The following HPSE2 variants were observed in gnomAD, a reference collection of about 807,000 sequenced individuals.
The protein encoded by HPSE2 is inactive heparanase-2.
In HPSE2, 38 loss-of-function variants were observed where a neutral mutation model predicts 60.5. The observed-to-expected ratio is 0.63, with a 90% CI of 0.48 to 0.82. HPSE2 has a LOEUF of 0.82. Ranked by LOEUF, HPSE2 falls within the 40% of genes least tolerant of loss-of-function variation. The probability of loss-of-function intolerance (pLI) is 0.00; values close to 1 mark genes in which losing one functional copy is unlikely to be tolerated. For missense variants in HPSE2, 713 were observed against 740.4 expected, an observed-to-expected ratio of 0.96 and a Z score of 0.43; for synonymous variants, 295 against 293.2, an observed-to-expected ratio of 1.01 and a Z score of -0.06.
chr10:99,002,946 T>C (rs1956809324), intron 3 of HPSE2, among the ~76,000 whole-genome samples: 1 of 152,042 alleles, frequency 6.6e-6, no homozygotes, highest in Non-Finnish European at 1.5e-5. Context: ...GTTAACCATG[T>C]TGTACAATAG....
At chr10:98,541,776 G>A (rs894240997) in intron 9 of HPSE2, among the ~76,000 whole-genome samples, 2 of 151,770 alleles carry the variant, frequency 1.3e-5, no homozygotes, top group African/African-American at 4.8e-5. Context: ...AGGGGCACCC[G>A]CCATTGCCCA....
chr10:98,956,375 G>T (rs1202333229), intron 3 of HPSE2, among the ~76,000 whole-genome samples: 1 of 152,160 alleles, frequency 6.6e-6, no homozygotes, highest in Non-Finnish European at 1.5e-5. Context: ...TGTTAAATTG[G>T]TTTGGAATAA....
intron 6 of HPSE2, among the ~76,000 whole-genome samples, chr10:98,647,692 C>T (rs547235665): frequency 6.6e-6 from 1 of 152,232 alleles, no homozygotes; most frequent in African/African-American, 2.4e-5. Context: ...TGCCCCTCCT[C>T]CAAAGGCCCT....
At chr10:98,805,285 A>T (rs1008441165) in intron 3 of HPSE2, among the ~76,000 whole-genome samples, 2 of 152,220 alleles carry the variant, frequency 1.3e-5, no homozygotes, top group South Asian at 2.1e-4. Context: ...ACAAAAAAAA[A>T]TTGTAACCTT....
At chr10:98,591,723 G>C (rs969477938) in intron 9 of HPSE2, among the ~76,000 whole-genome samples, 2 of 152,046 alleles carry the variant, frequency 1.3e-5, no homozygotes, top group African/African-American at 4.8e-5. Flanking sequence ...AAAAGAAATT[G>C]ATTATTTTCT....
chr10:99,266,042 C>T, the HPSE2 span, among the ~76,000 whole-genome samples: 1 of 152,158 alleles, frequency 6.6e-6, no homozygotes, highest in Non-Finnish European at 1.5e-5. Context: ...GGGAGGGCTA[C>T]CAGAGGAACT....
intron 3 of HPSE2, among the ~76,000 whole-genome samples, chr10:98,881,340 T>C (rs1175162753): frequency 1.3e-5 from 2 of 152,010 alleles, no homozygotes; most frequent in African/African-American, 4.8e-5. Context: ...GTCAATGACA[T>C]GGATGAAGGT....
chr10:99,094,560 T>A (rs1303253408), intron 3 of HPSE2, among the ~76,000 whole-genome samples: 2 of 98,532 alleles, frequency 2.0e-5, no homozygotes, highest in East Asian at 3.0e-4. Flanking sequence ...TTTTTTTTTT[T>A]TTTTTTTTTT....
intron 3 of HPSE2, among the ~76,000 whole-genome samples, chr10:98,819,378 C>A (rs1208244286): frequency 4.7e-5 from 7 of 148,764 alleles, no homozygotes; most frequent in Non-Finnish European, 8.9e-5. Flanking sequence ...TAACAGTTTA[C>A]AAATCTTTCC....
intron 9 of HPSE2, among the ~76,000 whole-genome samples, chr10:98,523,898 A>G (rs1432918446): frequency 6.6e-6 from 1 of 152,226 alleles, no homozygotes; most frequent in African/African-American, 2.4e-5. Flanking sequence ...AGCCAAAGAT[A>G]TAAACAAAAA....
intron 9 of HPSE2, among the ~76,000 whole-genome samples, chr10:98,498,781 G>A (rs926072612): frequency 2.6e-5 from 4 of 152,080 alleles, no homozygotes; most frequent in African/African-American, 9.7e-5. Flanking sequence ...AAATATTCAA[G>A]GAAATAGATA....
chr10:98,553,437 G>A (rs1301294544), intron 9 of HPSE2, among the ~76,000 whole-genome samples: 1 of 152,136 alleles, frequency 6.6e-6, no homozygotes, highest in Non-Finnish European at 1.5e-5. Flanking sequence ...CATTACCTGT[G>A]TGTTCAGTCT....
intron 6 of HPSE2, among the ~76,000 whole-genome samples, chr10:98,668,313 A>G (rs1454181398): frequency 6.6e-6 from 1 of 152,236 alleles, no homozygotes; most frequent in Non-Finnish European, 1.5e-5. Flanking sequence ...TGGAAGAATC[A>G]ATATTGTTAA....
At chr10:98,640,446 C>G (rs1946609434) in intron 7 of HPSE2, among the ~76,000 whole-genome samples, 1 of 152,188 alleles carries the variant, frequency 6.6e-6, no homozygotes, top group African/African-American at 2.4e-5. Context: ...GCCTATCAAA[C>G]TCTTGAGAAC....
intron 4 of HPSE2, among the ~76,000 whole-genome samples, chr10:98,726,029 C>T (rs987923234): frequency 1.9e-4 from 29 of 152,178 alleles, no homozygotes; most frequent in Admixed American, 6.6e-4. Context: ...ACTTTTACAC[C>T]ATTGGTGGGA....
intron 2 of HPSE2, among the ~76,000 whole-genome samples, chr10:99,206,236 T>C (rs1181772794): frequency 6.6e-6 from 1 of 152,144 alleles, no homozygotes; most frequent in Non-Finnish European, 1.5e-5. Flanking sequence ...AAACAAAATA[T>C]GTGTTAATCT....
intron 9 of HPSE2, among the ~76,000 whole-genome samples, chr10:98,540,870 A>G (rs1026130915): frequency 1.3e-5 from 2 of 152,242 alleles, no homozygotes; most frequent in Non-Finnish European, 2.9e-5. Context: ...AAGAGGAAAT[A>G]TGAGGATAAT....
At chr10:99,014,375 T>G (rs554207347) in intron 3 of HPSE2, among the ~76,000 whole-genome samples, 4 of 152,346 alleles carry the variant, frequency 2.6e-5, no homozygotes, top group Non-Finnish European at 4.4e-5. Flanking sequence ...CTTAGGTTGA[T>G]TCCATGTCTT....
chr10:99,027,183 GT>G (rs1957395990), intron 3 of HPSE2, among the ~76,000 whole-genome samples: 1 of 151,248 alleles, frequency 6.6e-6, no homozygotes, highest in African/African-American at 2.4e-5. Context: ...ACCAAAAGTT[GT>G]TTTTTTGAAA....
Sources: gnomAD v4.1 joint callset for allele counts (sites outside exome capture counted in the v4.1 genomes callset) on GRCh38, gnomAD v4.1.1 for gene constraint, MANE v1.5 for transcripts, NCBI Gene and HGNC (gene_info 2026-07-23, HGNC 2026-07-21) for gene names.